Variants in CSMD3 observed in about 807,000 individuals in gnomAD.
CSMD3 encodes the protein CUB and Sushi multiple domains 3, also known as CUB and sushi domain-containing protein 3.
Under a neutral mutation model 435.2 loss-of-function variants are expected in CSMD3, and 177 were observed. That is an observed-to-expected ratio of 0.41 (90% CI 0.36 to 0.46). The LOEUF (loss-of-function observed/expected upper bound fraction) is 0.46, where lower values mean the gene tolerates loss of function less well. Ranked by LOEUF, CSMD3 falls within the 20% of genes least tolerant of loss-of-function variation. The pLI is 0.34. For synonymous variants in CSMD3, 1,656 were observed against 1,520.5 expected (o/e 1.09, Z -2.07); for missense variants, 4,265 against 4,504.6 (o/e 0.95, Z 1.52).
At chr8:113,328,747 T>C (rs1292738334) in intron 1 of CSMD3, among the ~76,000 whole-genome samples, 1 of 126,462 alleles carries the variant, frequency 7.9e-6, no homozygotes. Flanking sequence ...TTTTTTTTTT[T>C]TTTTTTTTTT....
intron 13 of CSMD3, among the ~76,000 whole-genome samples, chr8:112,737,952 A>C (rs1408614378): frequency 6.6e-6 from 1 of 151,904 alleles, no homozygotes; most frequent in Non-Finnish European, 1.5e-5. Context: ...TTATTAATGT[A>C]AATCATTACC....
At chr8:113,121,059 T>C (rs1297740328) in intron 4 of CSMD3, among the ~76,000 whole-genome samples, 1 of 152,118 alleles carries the variant, frequency 6.6e-6, no homozygotes, top group Non-Finnish European at 1.5e-5. Flanking sequence ...GGCTCTTTTA[T>C]ACAGTGCTAA....
At chr8:112,676,704 T>A (rs1412922082) in intron 16 of CSMD3, among the ~76,000 whole-genome samples, 3 of 152,158 alleles carry the variant, frequency 2.0e-5, no homozygotes, top group Non-Finnish European at 4.4e-5. Context: ...ATTCAGGAAC[T>A]GTTTCCTTCT....
chr8:112,301,320 T>G (rs191245616), intron 53 of CSMD3, among the ~76,000 whole-genome samples: 1 of 141,826 alleles, frequency 7.1e-6, no homozygotes, highest in African/African-American at 2.5e-5. Context: ...GTTCAAAAAA[T>G]TTTTTTTTAA....
chr8:112,308,200 G>A (rs1821626482), intron 50 of CSMD3, among the ~76,000 whole-genome samples: 1 of 152,052 alleles, frequency 6.6e-6, no homozygotes. Flanking sequence ...GTTCCCTGAT[G>A]TCTGATAAAG....
intron 61 of CSMD3, among the ~76,000 whole-genome samples, chr8:112,260,235 T>G (rs912303502): frequency 1.2e-4 from 18 of 152,186 alleles, no homozygotes; most frequent in Non-Finnish European, 5.9e-5. Flanking sequence ...ATTTCTTAAG[T>G]ATACCTTCTC....
At chr8:112,668,853 AAGG>A (rs2075588675) in intron 16 of CSMD3, among the ~76,000 whole-genome samples, 3 of 151,810 alleles carry the variant, frequency 2.0e-5, no homozygotes, top group Non-Finnish European at 4.4e-5. Flanking sequence ...AAATGTCAGT[AAGG>A]AGAAGCCATG....
chr8:113,249,423 T>C (rs529877837), intron 3 of CSMD3, among the ~76,000 whole-genome samples: 7 of 152,202 alleles, frequency 4.6e-5, no homozygotes, highest in South Asian at 2.1e-4. Flanking sequence ...TTGTGAAAGA[T>C]GGTCCCAGAA....
At chr8:112,680,766 A>T (rs2075871377) in intron 16 of CSMD3, among the ~76,000 whole-genome samples, 1 of 152,200 alleles carries the variant, frequency 6.6e-6, no homozygotes, top group Admixed American at 6.5e-5. Context: ...CTTCATCATG[A>T]GACATTATGA....
At chr8:112,655,868 A>G (rs894158816) in intron 18 of CSMD3, among the ~76,000 whole-genome samples, 10 of 152,040 alleles carry the variant, frequency 6.6e-5, no homozygotes, top group African/African-American at 2.4e-4. Flanking sequence ...TGTTTTTCAG[A>G]ACTATACACA....
chr8:113,009,478 C>A (rs895402652), intron 6 of CSMD3, among the ~76,000 whole-genome samples: 1 of 151,726 alleles, frequency 6.6e-6, no homozygotes, highest in Non-Finnish European at 1.5e-5. Context: ...GTTTTCCAAT[C>A]TTAGCTTCTA....
At chr8:112,790,265 C>T (rs959209059) in intron 13 of CSMD3, among the ~76,000 whole-genome samples, 1 of 151,684 alleles carries the variant, frequency 6.6e-6, no homozygotes, top group African/African-American at 2.4e-5. Context: ...TGACTCTAAT[C>T]AGGAATATAG....
chr8:113,049,222 G>C (rs932247687), intron 5 of CSMD3, among the ~76,000 whole-genome samples: 3 of 152,230 alleles, frequency 2.0e-5, no homozygotes, highest in Non-Finnish European at 4.4e-5. Flanking sequence ...CTAGGTGACA[G>C]AGCGAAAATC....
At position 112,404,902 on chromosome 8, in the gene CSMD3, G is replaced by A. The variant is rs1831639648; in HGVS notation, c.5809+1622C>T. ...TTTAAAAAGTATTATTTTCAGCTGG[G>A]TGCGGTAGATCACACCTGTAATCCC... is the stretch of plus-strand genomic sequence containing the variant. On this transcript the variant is annotated intron_variant, in intron 35 of 70. Coordinates refer to ENST00000297405, the MANE Select transcript of CSMD3 (RefSeq NM_198123.2). Among the ~76,000 whole-genome samples, 2 of 151,416 alleles carry A rather than the reference G, an allele frequency of 1.3e-5. 1 individual carries two copies. Among genetic ancestry groups the A allele is most frequent in the South Asian group, 4.2e-4 (2 of 4,800 alleles).
intron 13 of CSMD3, among the ~76,000 whole-genome samples, chr8:112,711,874 T>C (rs763712278): frequency 3.3e-5 from 5 of 152,132 alleles, no homozygotes; most frequent in Non-Finnish European, 5.9e-5. Flanking sequence ...AATATAATCC[T>C]GCCTCAGCCT....
chr8:113,304,256 AG>A (rs1324455612), intron 2 of CSMD3, among the ~76,000 whole-genome samples: 1 of 59,316 alleles, frequency 1.7e-5, no homozygotes, highest in Non-Finnish European at 3.0e-5. Context: ...TTAAAAAGTC[AG>A]GAAACAACAG....
At chr8:112,714,352 G>C (rs970283472) in intron 13 of CSMD3, among the ~76,000 whole-genome samples, 3 of 151,994 alleles carry the variant, frequency 2.0e-5, no homozygotes. Context: ...ATGGTAAAGG[G>C]ATCAATTCAA....
intron 22 of CSMD3, among the ~76,000 whole-genome samples, chr8:112,594,375 A>G (rs13268142): frequency 0.58 from 87,322 of 151,782 alleles, 25,703 homozygotes; most frequent in African/African-American, 0.69. Flanking sequence ...CTACGCCCAC[A>G]GAGTCTCGCT....
At chr8:113,064,897 A>G (rs913923946) in intron 5 of CSMD3, among the ~76,000 whole-genome samples, 6 of 152,204 alleles carry the variant, frequency 3.9e-5, no homozygotes, top group Non-Finnish European at 8.8e-5. Context: ...TTGACAAAAG[A>G]TTGCTGAATA....
Sources: allele counts gnomAD v4.1 joint callset (sites outside exome capture counted in the v4.1 genomes callset), GRCh38; gene constraint gnomAD v4.1.1; transcripts MANE v1.5; gene names NCBI Gene and HGNC (gene_info 2026-07-23, HGNC 2026-07-21).